PRKCA: variants seen among roughly 807,000 people sequenced by gnomAD.
PRKCA encodes protein kinase C alpha type.
Under a neutral mutation model 87.0 loss-of-function variants are expected in PRKCA, and 27 were observed. The ratio of observed to expected loss-of-function variants is 0.31; its 90% CI spans 0.23 to 0.43. The LOEUF (loss-of-function observed/expected upper bound fraction) is 0.43, where lower values mean the gene tolerates loss of function less well. Among genes scored for constraint, PRKCA ranks in the 20% least tolerant of loss-of-function variants. The pLI is 1.00. For synonymous variants in PRKCA, 329 were observed against 311.1 expected (o/e 1.06, Z -0.61); for missense variants, 518 against 852.3 (o/e 0.61, Z 4.88).
intron 3 of PRKCA, among the ~76,000 whole-genome samples, chr17:66,502,296 G>A (rs1277561682): frequency 4.6e-5 from 7 of 151,392 alleles, no homozygotes; most frequent in Admixed American, 2.6e-4. Flanking sequence ...GTGCAGTGGC[G>A]CGATCTTGGC....
At position 66,674,315 on chromosome 17, in the gene PRKCA, G is replaced by A. The variant is rs371874993; in HGVS notation, c.530-12796G>A. The stretch of plus-strand genomic sequence containing the variant: ...AGATGGATGGAGGAGTGTCCCCAGC[G>A]ATGGGGCAGTGTGGACCCAGAAGCA... On this transcript the variant is annotated intron_variant, in intron 5 of 16. Coordinates refer to ENST00000413366, the MANE Select transcript of PRKCA (RefSeq NM_002737.3). Among the ~76,000 whole-genome samples, 126 of 152,314 alleles carry A rather than the reference G, an allele frequency of 8.3e-4. 2 individuals are homozygous for A. Among genetic ancestry groups the A allele is most frequent in the Admixed American group, 6.8e-3 (104 of 15,300 alleles).
intron 8 of PRKCA, among the ~76,000 whole-genome samples, chr17:66,715,242 T>C (rs777644199): frequency 1.3e-5 from 2 of 152,168 alleles, no homozygotes; most frequent in South Asian, 2.1e-4. Context: ...GGAACTGGGT[T>C]TTATTGCCAG....
chr17:66,808,318 TC>T lies in PRKCA; in HGVS notation c.*4283del, dbSNP rs944241731. The stretch of plus-strand genomic sequence containing the variant: ...TTCGGAGGGTTTTTTTTGTTTTTGT[TC>T]CTGTTTTTTTTTTTTTTGCTGGAAT... On this transcript the variant is annotated 3_prime_UTR_variant, in exon 17 of 17. Coordinates refer to ENST00000413366, the MANE Select transcript of PRKCA (RefSeq NM_002737.3). The T allele has an allele frequency of 6.9e-5, 8 of 116,080 alleles. No homozygotes were observed. Among genetic ancestry groups the T allele is most frequent in the Non-Finnish European group, 1.3e-4 (8 of 60,258 alleles). The allele number at this position is 116,080 out of a possible 1,614,324, so 7.2% of individuals were successfully genotyped here.
At chr17:66,362,675 T>G (rs1372261528) in intron 2 of PRKCA, among the ~76,000 whole-genome samples, 1 of 20,224 alleles carries the variant, frequency 4.9e-5, no homozygotes, top group Non-Finnish European at 1.8e-4. Flanking sequence ...CCTTGCAGGT[T>G]TTTTTTTTTT....
chr17:66,410,776 A>G (rs950021872), intron 2 of PRKCA, among the ~76,000 whole-genome samples: 17 of 152,254 alleles, frequency 1.1e-4, no homozygotes, highest in Non-Finnish European at 2.1e-4. Context: ...GGGTTTTACC[A>G]TGTTGGCCAG....
At chr17:66,539,083 T>C (rs1459679880) in intron 3 of PRKCA, among the ~76,000 whole-genome samples, 1 of 152,256 alleles carries the variant, frequency 6.6e-6, no homozygotes, top group Non-Finnish European at 1.5e-5. Context: ...AGCTCATCTG[T>C]TCACAGGCAA....
intron 2 of PRKCA, among the ~76,000 whole-genome samples, chr17:66,448,261 G>A (rs1308497651): frequency 6.6e-6 from 1 of 152,100 alleles, no homozygotes; most frequent in African/African-American, 2.4e-5. Flanking sequence ...AGTCATTTTT[G>A]TCACATTGCA....
At chr17:66,308,464 ACT>A (rs2143121415) in intron 2 of PRKCA, among the ~76,000 whole-genome samples, 1 of 151,414 alleles carries the variant, frequency 6.6e-6, no homozygotes, top group African/African-American at 2.4e-5. Flanking sequence ...AATATTTGAA[ACT>A]CTGGATTTAC....
chr17:66,500,556 CAACT>C (rs1367591347), intron 3 of PRKCA, among the ~76,000 whole-genome samples: 2 of 152,146 alleles, frequency 1.3e-5, no homozygotes, highest in Non-Finnish European at 2.9e-5. Context: ...GATGAGGAGA[CAACT>C]AAGGCAAAAA....
At chr17:66,639,422 C>T (rs1971230837) in intron 3 of PRKCA, 1 of 152,156 alleles carries the variant, frequency 6.6e-6, no homozygotes, top group Admixed American at 6.5e-5. Flanking sequence ...GAGGCTCGCT[C>T]TGTCGCCCAG....
intron 5 of PRKCA, among the ~76,000 whole-genome samples, chr17:66,650,838 C>T (rs1236399248): frequency 6.6e-6 from 1 of 152,150 alleles, no homozygotes; most frequent in Non-Finnish European, 1.5e-5. Flanking sequence ...GGAAATGAGC[C>T]TCAGCTTTGT....
intron 6 of PRKCA, among the ~76,000 whole-genome samples, chr17:66,687,719 G>C (rs1012495286): frequency 1.3e-5 from 2 of 152,184 alleles, no homozygotes; most frequent in Non-Finnish European, 2.9e-5. Context: ...TTCAAAGAGA[G>C]AAGACTTCCT....
chr17:66,783,443 G>A (rs1019998505), intron 14 of PRKCA, among the ~76,000 whole-genome samples: 1 of 152,120 alleles, frequency 6.6e-6, no homozygotes, highest in Non-Finnish European at 1.5e-5. Flanking sequence ...CTTCAGTGGG[G>A]CCCAGAGAAG....
intron 3 of PRKCA, among the ~76,000 whole-genome samples, chr17:66,557,236 G>C (rs183309221): frequency 2.6e-5 from 4 of 152,182 alleles, no homozygotes; most frequent in African/African-American, 9.6e-5. Context: ...TAAGGGCCTT[G>C]GGGAAGGACA....
chr17:66,583,594 CAAAA>C (rs58515241), intron 3 of PRKCA, among the ~76,000 whole-genome samples: 16 of 133,614 alleles, frequency 1.2e-4, no homozygotes, highest in African/African-American at 4.3e-4. Flanking sequence ...TTAAATGAAC[CAAAA>C]AAAAAAAAAG....
intron 2 of PRKCA, among the ~76,000 whole-genome samples, chr17:66,459,970 A>C (rs1178975949): frequency 1.3e-5 from 2 of 152,286 alleles, no homozygotes; most frequent in East Asian, 1.9e-4. Flanking sequence ...CGAAGGATGA[A>C]TCATTCATGA....
intron 16 of PRKCA, chr17:66,796,523 A>C: frequency 1.0e-6 from 1 of 985,322 alleles, no homozygotes; most frequent in Non-Finnish European, 1.2e-6. Context: ...ACCTTGGGTG[A>C]CTAAATGAGC....
At chr17:66,617,782 C>T (rs1970555433) in intron 3 of PRKCA, among the ~76,000 whole-genome samples, 1 of 152,138 alleles carries the variant, frequency 6.6e-6, no homozygotes, top group South Asian at 2.1e-4. Context: ...GGAAATGAAG[C>T]ACTTATATGA....
In PRKCA at chr17:66,380,690, A is replaced by G. The variant is rs1047250132; in HGVS notation, c.205+74563A>G. ...ATAACTTAAGTCTAATAATGTTTTT[A>G]TTGTTTTATAACATATTTTTCATCT... On this transcript the variant is annotated intron_variant, in intron 2 of 16. Transcript: ENST00000413366. Among the ~76,000 whole-genome samples, 3 of 152,172 alleles carry G rather than the reference A, an allele frequency of 2.0e-5. No homozygotes were observed. The East Asian group carries it at 5.8e-4, about 29-fold the overall frequency.
Sources: allele counts gnomAD v4.1 joint callset (sites outside exome capture counted in the v4.1 genomes callset), GRCh38; gene constraint gnomAD v4.1.1; transcripts MANE v1.5; gene names NCBI Gene and HGNC (gene_info 2026-07-23, HGNC 2026-07-21).